PDE11A: variants seen among roughly 807,000 people sequenced by gnomAD.
PDE11A encodes the protein phosphodiesterase 11A, also known as dual 3',5'-cyclic-AMP and -GMP phosphodiesterase 11A.
In PDE11A, 100 loss-of-function variants were observed where a neutral mutation model predicts 100.5. That is an observed-to-expected ratio of 1.00 (90% CI 0.85 to 1.18). The LOEUF is 1.18. Ranked by LOEUF, PDE11A falls within the 50% of genes most tolerant of loss-of-function variation. PDE11A has a pLI of 0.00. For missense variants in PDE11A, 1,141 were observed against 1,152.6 expected, an observed-to-expected ratio of 0.99 and a Z score of 0.15; for synonymous variants, 381 against 420.8, an observed-to-expected ratio of 0.91 and a Z score of 1.16.
chr2:177,634,747 C>A (rs1344646566), intron 19 of PDE11A, among the ~76,000 whole-genome samples: 1 of 152,150 alleles, frequency 6.6e-6, no homozygotes, highest in East Asian at 1.9e-4. Flanking sequence ...GAATATGGAA[C>A]TATTAAAATA....
intron 4 of PDE11A, among the ~76,000 whole-genome samples, chr2:177,897,138 T>C (rs867626710): frequency 6.6e-6 from 1 of 152,104 alleles, no homozygotes; most frequent in Non-Finnish European, 1.5e-5. Context: ...AATAACATTC[T>C]GTCAGGTATT....
At chr2:177,836,568 G>A (rs565625465) in intron 6 of PDE11A, among the ~76,000 whole-genome samples, 73 of 152,300 alleles carry the variant, frequency 4.8e-4, no homozygotes, top group Admixed American at 1.5e-3. Context: ...GCAGGCTGCC[G>A]GAGCCAACAG....
chr2:177,637,748 C>T (rs1443342253), intron 19 of PDE11A, among the ~76,000 whole-genome samples: 2 of 150,910 alleles, frequency 1.3e-5, no homozygotes, highest in East Asian at 4.0e-4. Flanking sequence ...ACATATTTAG[C>T]CATTGGCATT....
intron 5 of PDE11A, among the ~76,000 whole-genome samples, chr2:177,857,199 G>C (rs1429685276): frequency 1.3e-5 from 2 of 151,848 alleles, no homozygotes; most frequent in Non-Finnish European, 2.9e-5. Context: ...TATATCCACT[G>C]AAACTATACT....
At chr2:177,660,186 CTCTT>C (rs1559130900) in intron 19 of PDE11A, among the ~76,000 whole-genome samples, 4 of 150,918 alleles carry the variant, frequency 2.7e-5, no homozygotes, top group Non-Finnish European at 5.9e-5. Context: ...CTGTCTCTCT[CTCTT>C]TAAGGAAAAG....
chr2:177,626,861 T>C lies in PDE11A; in HGVS notation c.*2546A>G, dbSNP rs1005936884. On this transcript the variant is annotated 3_prime_UTR_variant, in exon 20 of 20. Transcript: ENST00000286063. Reference sequence around the variant, plus strand: ...GTTCTACACCTTCATTTTTTTTGGTTGGAAGTGCCATTTTTCTTTGTTTGG... The same window carrying C: ...GTTCTACACCTTCATTTTTTTTGGTCGGAAGTGCCATTTTTCTTTGTTTGG... The C allele has an allele frequency of 3.3e-5, 5 of 151,212 alleles. No individual in the cohort carries two copies. Among genetic ancestry groups the C allele is most frequent in the East Asian group, 3.9e-4 (2 of 5,138 alleles). The allele number at this position is 151,212 out of a possible 1,614,324, so 9.4% of individuals were successfully genotyped here.
intron 19 of PDE11A, among the ~76,000 whole-genome samples, chr2:177,648,262 G>A (rs1466727537): frequency 1.3e-5 from 2 of 152,186 alleles, no homozygotes; most frequent in Non-Finnish European, 2.9e-5. Flanking sequence ...GGAAGACCCG[G>A]TAGAAGGTAT....
At chr2:178,007,743 C>G (rs2086228062) in intron 2 of PDE11A, among the ~76,000 whole-genome samples, 1 of 152,080 alleles carries the variant, frequency 6.6e-6, no homozygotes, top group Non-Finnish European at 1.5e-5. Flanking sequence ...CTCGCCCTGT[C>G]ACCCCGGCTG....
At chr2:177,735,443 GCAA>G (rs1360101200) in intron 10 of PDE11A, among the ~76,000 whole-genome samples, 2 of 151,984 alleles carry the variant, frequency 1.3e-5, no homozygotes, top group African/African-American at 4.8e-5. Context: ...AAGTTCAGAG[GCAA>G]CAACAGGAAT....
chr2:177,961,705 A>G (rs1278762265), intron 2 of PDE11A, among the ~76,000 whole-genome samples: 1 of 152,168 alleles, frequency 6.6e-6, no homozygotes, highest in Admixed American at 6.5e-5. Flanking sequence ...GAAATTTTAG[A>G]TCATGACCAT....
chr2:177,674,438 T>C (rs2080737025), intron 17 of PDE11A, among the ~76,000 whole-genome samples: 1 of 152,232 alleles, frequency 6.6e-6, no homozygotes, highest in African/African-American at 2.4e-5. Context: ...TCTTCCAGTT[T>C]TCCTTTGCTC....
chr2:177,744,974 T>C (rs1035509319), intron 10 of PDE11A, among the ~76,000 whole-genome samples: 2 of 152,290 alleles, frequency 1.3e-5, no homozygotes, highest in Admixed American at 6.5e-5. Context: ...ATCGCTCAAA[T>C]ATAGTGAGAG....
chr2:177,666,163 T>C (rs2080577282), intron 18 of PDE11A, among the ~76,000 whole-genome samples: 1 of 152,250 alleles, frequency 6.6e-6, no homozygotes, highest in African/African-American at 2.4e-5. Context: ...TTCATATAAA[T>C]GCAATCTTAT....
chr2:177,642,697 CCTAT>C (rs1200391524), intron 19 of PDE11A, among the ~76,000 whole-genome samples: 1 of 152,014 alleles, frequency 6.6e-6, no homozygotes, highest in Non-Finnish European at 1.5e-5. Context: ...TGCTCTTGTC[CCTAT>C]CTGTTTCTTG....
intron 9 of PDE11A, among the ~76,000 whole-genome samples, chr2:177,807,277 A>G (rs1477294505): frequency 6.6e-6 from 1 of 152,194 alleles, no homozygotes; most frequent in East Asian, 1.9e-4. Flanking sequence ...GCTGAAAGAA[A>G]GAAAAAACTG....
chr2:177,944,291 G>T (rs1296676902), intron 2 of PDE11A, among the ~76,000 whole-genome samples: 2 of 152,114 alleles, frequency 1.3e-5, no homozygotes, highest in Non-Finnish European at 2.9e-5. Context: ...TTGGATTAGA[G>T]GATATGGAAA....
At chr2:178,023,445 T>C (rs987044950) in intron 1 of PDE11A, among the ~76,000 whole-genome samples, 2 of 152,180 alleles carry the variant, frequency 1.3e-5, no homozygotes, top group African/African-American at 2.4e-5. Context: ...CTTATCCAGG[T>C]CCCACATTCA....
chr2:177,813,813 C>T (rs1351532368), intron 9 of PDE11A, among the ~76,000 whole-genome samples: 2 of 119,722 alleles, frequency 1.7e-5, no homozygotes, highest in African/African-American at 7.4e-5. Flanking sequence ...GATTATTTCC[C>T]TCCACTCTTG....
At chr2:177,819,212 T>C (rs898512407) in intron 7 of PDE11A, among the ~76,000 whole-genome samples, 2 of 152,092 alleles carry the variant, frequency 1.3e-5, no homozygotes, top group African/African-American at 4.8e-5. Context: ...GAATATTCTT[T>C]ATGTTCAGTA....
Sources: gnomAD v4.1 joint callset for allele counts (sites outside exome capture counted in the v4.1 genomes callset) on GRCh38, gnomAD v4.1.1 for gene constraint, MANE v1.5 for transcripts, NCBI Gene and HGNC (gene_info 2026-07-23, HGNC 2026-07-21) for gene names.